The following BTBD9 variants were observed in gnomAD, a reference collection of about 807,000 sequenced individuals.
BTBD9 encodes BTB/POZ domain-containing protein 9.
BTBD9 carries 49 observed loss-of-function variants against 64.3 expected under a neutral mutation model. The observed-to-expected ratio is 0.76, with a 90% confidence interval of 0.61 to 0.97. The LOEUF (loss-of-function observed/expected upper bound fraction) is 0.97, where lower values mean the gene tolerates loss of function less well. Among genes scored for constraint, BTBD9 ranks in the 50% least tolerant of loss-of-function variants. The probability of loss-of-function intolerance (pLI) is 0.00; values close to 1 mark genes in which losing one functional copy is unlikely to be tolerated. For synonymous variants in BTBD9, 260 were observed against 274.7 expected, an observed-to-expected ratio of 0.95 and a Z score of 0.53; for missense variants, 598 against 762.1, an observed-to-expected ratio of 0.78 and a Z score of 2.53.
intron 6 of BTBD9, among the ~76,000 whole-genome samples, chr6:38,419,974 T>C (rs1286547648): frequency 6.6e-6 from 1 of 152,084 alleles, no homozygotes. Context: ...CAAGGGAATA[T>C]AAATAAATGA....
chr6:38,493,798 T>C (rs911722158), intron 6 of BTBD9, among the ~76,000 whole-genome samples: 3 of 152,248 alleles, frequency 2.0e-5, no homozygotes, highest in Non-Finnish European at 4.4e-5. Context: ...TACAGTCTCA[T>C]CATGCAACAA....
intron 6 of BTBD9, among the ~76,000 whole-genome samples, chr6:38,375,235 T>C (rs887649490): frequency 6.6e-6 from 1 of 152,222 alleles, no homozygotes; most frequent in African/African-American, 2.4e-5. Context: ...ACAGACTTGG[T>C]CAAAGTCATG....
Position 38,288,451 on chromosome 6 carries a change from C to G in BTBD9, c.1275G>C (p.Glu425Asp), listed in dbSNP as rs1194216559. The change falls in exon 8 of 11, where the codon GAG (glutamate) becomes GAC (aspartate). Residue 425 changes from glutamate to aspartate, a missense_variant. By Grantham distance (45) the Glu-to-Asp change is conservative. Coordinates refer to ENST00000481247, the MANE Select transcript of BTBD9 (RefSeq NM_001099272.2). Reference sequence around the variant, plus strand: ...CACAATCAGCAATTGTTGCAACATTCTCCATGGGAACTGTGAATCCAAAAA... The same window carrying G: ...CACAATCAGCAATTGTTGCAACATTGTCCATGGGAACTGTGAATCCAAAAA... ...TLEKGLIVPM[E>D]NVATIADCAS... 6.2e-7 allele frequency: 1 copy of G among 1,613,804 alleles called. No homozygotes were observed. Among genetic ancestry groups the G allele is most frequent in the Non-Finnish European group, 8.5e-7 (1 of 1,179,846 alleles).
chr6:38,280,393 T>C (rs948256258), intron 8 of BTBD9, among the ~76,000 whole-genome samples: 2 of 152,206 alleles, frequency 1.3e-5, no homozygotes, highest in Non-Finnish European at 2.9e-5. Context: ...CATGGATCAG[T>C]GAGACAAGGA....
intron 6 of BTBD9, among the ~76,000 whole-genome samples, chr6:38,498,992 C>G (rs1772078284): frequency 6.6e-6 from 1 of 152,172 alleles, no homozygotes; most frequent in Admixed American, 6.5e-5. Context: ...AATGATCTAA[C>G]ATAACTGGAG....
chr6:38,334,137 A>T (rs1438956720), intron 7 of BTBD9, among the ~76,000 whole-genome samples: 1 of 152,212 alleles, frequency 6.6e-6, no homozygotes, highest in Non-Finnish European at 1.5e-5. Context: ...TTGAACTTCA[A>T]ATTTGAGAGA....
intron 9 of BTBD9, among the ~76,000 whole-genome samples, chr6:38,220,726 C>A (rs1173801256): frequency 6.6e-6 from 1 of 152,196 alleles, no homozygotes; most frequent in Admixed American, 6.5e-5. Flanking sequence ...ACACAAGAGC[C>A]ATACACTAAA....
chr6:38,373,879 T>C (rs1291210739), intron 6 of BTBD9, among the ~76,000 whole-genome samples: 1 of 152,100 alleles, frequency 6.6e-6, no homozygotes, highest in East Asian at 1.9e-4. Flanking sequence ...TTTATATCAT[T>C]AAAAATCAAA....
chr6:38,406,618 G>A (rs1767175576), intron 6 of BTBD9, among the ~76,000 whole-genome samples: 1 of 152,112 alleles, frequency 6.6e-6, no homozygotes, highest in Admixed American at 6.6e-5. Context: ...GACTAGTCCT[G>A]GATATGCAAT....
At chr6:38,452,115 T>C (rs1769583986) in intron 6 of BTBD9, among the ~76,000 whole-genome samples, 1 of 152,180 alleles carries the variant, frequency 6.6e-6, no homozygotes, top group Admixed American at 6.5e-5. Flanking sequence ...ACAACACTTC[T>C]ACTAATAATA....
chr6:38,222,304 A>G (rs1447183145), intron 9 of BTBD9, among the ~76,000 whole-genome samples: 2 of 110,812 alleles, frequency 1.8e-5, no homozygotes, highest in Non-Finnish European at 3.3e-5. Flanking sequence ...TCTGTCACCC[A>G]GGCTGGAATG....
chr6:38,326,108 T>G (rs1414748858), intron 7 of BTBD9, among the ~76,000 whole-genome samples: 1 of 152,034 alleles, frequency 6.6e-6, no homozygotes, highest in Non-Finnish European at 1.5e-5. Context: ...GTGACATTAA[T>G]CTGAAACTTA....
At chr6:38,462,622 T>C (rs985644975) in intron 6 of BTBD9, among the ~76,000 whole-genome samples, 5 of 152,232 alleles carry the variant, frequency 3.3e-5, no homozygotes, top group African/African-American at 1.2e-4. Context: ...TTGGCTTCTT[T>C]GCATTTCTAC....
chr6:38,461,248 C>T (rs559183625), intron 6 of BTBD9, among the ~76,000 whole-genome samples: 4 of 152,282 alleles, frequency 2.6e-5, no homozygotes, highest in South Asian at 4.1e-4. Context: ...AAAACCATCA[C>T]CACAATCAAG....
At chr6:38,267,567 T>TG (rs1765053929) in intron 8 of BTBD9, among the ~76,000 whole-genome samples, 1 of 152,162 alleles carries the variant, frequency 6.6e-6, no homozygotes, top group African/African-American at 2.4e-5. Flanking sequence ...GCTTCTACAG[T>TG]GCAGGGACCA....
intron 6 of BTBD9, among the ~76,000 whole-genome samples, chr6:38,421,395 G>A (rs1454746668): frequency 6.6e-6 from 1 of 152,072 alleles, no homozygotes; most frequent in Non-Finnish European, 1.5e-5. Context: ...AACAGTAATA[G>A]GAGGCAAGAT....
chr6:38,541,505 G>A (rs571375800), intron 6 of BTBD9, among the ~76,000 whole-genome samples: 185 of 152,302 alleles, frequency 1.2e-3, no homozygotes, highest in South Asian at 4.1e-3. Flanking sequence ...TTGGGAGGCC[G>A]AGGCAGGCGG....
At chr6:38,360,673 A>G (rs1764915870) in intron 6 of BTBD9, among the ~76,000 whole-genome samples, 1 of 152,152 alleles carries the variant, frequency 6.6e-6, no homozygotes. Flanking sequence ...CAGGCAGAAG[A>G]GTAACATGTG....
intron 6 of BTBD9, among the ~76,000 whole-genome samples, chr6:38,349,888 G>T (rs748288773): frequency 2.6e-5 from 4 of 152,134 alleles, no homozygotes; most frequent in Non-Finnish European, 5.9e-5. Flanking sequence ...CTAGCTCTGT[G>T]GCACTTCTCG....
Sources: allele counts gnomAD v4.1 joint callset (sites outside exome capture counted in the v4.1 genomes callset), GRCh38; gene constraint gnomAD v4.1.1; transcripts MANE v1.5; gene names NCBI Gene and HGNC (gene_info 2026-07-23, HGNC 2026-07-21).